EBF1: variants seen among roughly 807,000 people sequenced by gnomAD.
The protein encoded by EBF1 is transcription factor COE1.
Under a neutral mutation model 68.4 loss-of-function variants are expected in EBF1, and 10 were observed. That is an observed-to-expected ratio of 0.15 (90% CI 0.09 to 0.25). The LOEUF is 0.25. EBF1 is among the 10% of genes least tolerant of loss of function. The pLI is 1.00. For synonymous variants in EBF1, 298 were observed against 299.8 expected (o/e 0.99, Z 0.06); for missense variants, 509 against 794.4 (o/e 0.64, Z 4.32).
intron 8 of EBF1, among the ~76,000 whole-genome samples, chr5:158,808,259 T>A (rs1781965938): frequency 6.6e-6 from 1 of 152,102 alleles, no homozygotes; most frequent in South Asian, 2.1e-4. Context: ...CTCTTTGGGG[T>A]CTGGGCTGTT....
intron 6 of EBF1, among the ~76,000 whole-genome samples, chr5:158,888,694 AGGTTTAATTTGTGTCTC>A (rs1800535961): frequency 6.6e-6 from 1 of 152,128 alleles, no homozygotes; most frequent in Non-Finnish European, 1.5e-5. Context: ...ATAACCAAAA[AGGTTTAATTTGTGTCTC>A]GATATGAATT....
chr5:158,888,884 A>G lies in EBF1; in HGVS notation c.555-48774T>C, dbSNP rs534080843. Among the ~76,000 whole-genome samples the G allele has an allele frequency of 2.6e-5, 4 of 151,996 alleles. No individual in the cohort carries two copies. In the East Asian group the frequency reaches 7.7e-4, roughly 29 times the overall value. On this transcript the variant is annotated intron_variant, in intron 6 of 15. Coordinates refer to ENST00000313708, the MANE Select transcript of EBF1 (RefSeq NM_024007.5). ...CTTCCCACCAGATTTTCCTCCTGCT[A>G]TCTTCCCTGTCATAGATGTGTCCTC... is the stretch of plus-strand genomic sequence containing the variant.
rs542756366 is a variant in EBF1 at position 158,815,479 on chromosome 5, G to A, written c.778+7697C>T. Among the ~76,000 whole-genome samples the A allele has an allele frequency of 2.4e-4, 37 of 152,196 alleles. No homozygotes were observed. The East Asian group carries it at 7.1e-3, about 29-fold the overall frequency. On this transcript the variant is annotated intron_variant, in intron 8 of 15. Coordinates refer to ENST00000313708, the MANE Select transcript of EBF1 (RefSeq NM_024007.5). ...TGATAAGTAAAATAGTTAGCATGGT[G>A]CTGGCATATATAGTAAATGATCCAT...
rs370029093 is a variant in EBF1, at chr5:158,908,758, C to A, written c.555-68648G>T. ...TCCAACTGGAGCCAGGAAGAGGTGG[C>A]GTGATTATTCTCTGGAAACCTCGGT... On this transcript the variant is annotated intron_variant, in intron 6 of 15. Coordinates refer to ENST00000313708, the MANE Select transcript of EBF1 (RefSeq NM_024007.5). Among the ~76,000 whole-genome samples the A allele has an allele frequency of 5.3e-5, 8 of 152,154 alleles. No individual in the cohort carries two copies. The East Asian group carries it at 1.3e-3, about 26-fold the overall frequency.
chr5:158,987,936 T>A (rs1469531387), intron 6 of EBF1, among the ~76,000 whole-genome samples: 1 of 152,176 alleles, frequency 6.6e-6, no homozygotes, highest in Non-Finnish European at 1.5e-5. Flanking sequence ...TTACTAGCAT[T>A]GGGAATGGCA....
rs950990601 is a variant in EBF1 at position 158,696,359 on chromosome 5, A to T, written c.*2752T>A. On this transcript the variant is annotated 3_prime_UTR_variant, in exon 16 of 16. Transcript: ENST00000313708. ...AATCAATAGAAATAGAAGCAACAAA[A>T]CACAAATTATACACATTTTAAAGGC... 1.8e-5 allele frequency: 4 copies of T among 222,218 alleles called. No individual in the cohort carries two copies. The highest frequency in any genetic ancestry group is 5.7e-5 in the Admixed American group (1 of 17,410). 13.8% of individuals were successfully genotyped at this position (222,218 alleles called of 1,614,324 possible).
chr5:159,077,396 G>A (rs1416080444), intron 5 of EBF1, among the ~76,000 whole-genome samples: 1 of 152,164 alleles, frequency 6.6e-6, no homozygotes, highest in Non-Finnish European at 1.5e-5. Flanking sequence ...CTGATATCGT[G>A]CCATTCCAGC....
At chr5:158,838,881 C>G (rs1393187006) in intron 7 of EBF1, among the ~76,000 whole-genome samples, 2 of 87,358 alleles carry the variant, frequency 2.3e-5, no homozygotes, top group Non-Finnish European at 5.0e-5. Context: ...ATTGACCATA[C>G]AAATAACTTA....
At chr5:159,001,906 T>C (rs949090512) in intron 6 of EBF1, among the ~76,000 whole-genome samples, 8 of 152,206 alleles carry the variant, frequency 5.3e-5, no homozygotes, top group African/African-American at 1.7e-4. Flanking sequence ...CAAAGTATTT[T>C]TCATTATCAC....
intron 7 of EBF1, among the ~76,000 whole-genome samples, chr5:158,831,418 A>G (rs1337656283): frequency 6.6e-6 from 1 of 152,162 alleles, no homozygotes; most frequent in Non-Finnish European, 1.5e-5. Context: ...GCCAAACATT[A>G]TTCTATGCAC....
At chr5:158,993,211 T>A (rs1382499694) in intron 6 of EBF1, among the ~76,000 whole-genome samples, 1 of 152,006 alleles carries the variant, frequency 6.6e-6, no homozygotes, top group Non-Finnish European at 1.5e-5. Context: ...TACACCCAGC[T>A]AATTTTTTTG....
intron 6 of EBF1, among the ~76,000 whole-genome samples, chr5:158,989,541 G>C (rs1481988813): frequency 1.3e-5 from 2 of 152,186 alleles, no homozygotes; most frequent in East Asian, 3.9e-4. Context: ...CTGTGATCAA[G>C]GCAGACAGAA....
chr5:158,707,366 G>A (rs756612346), intron 15 of EBF1, among the ~76,000 whole-genome samples: 7 of 152,208 alleles, frequency 4.6e-5, no homozygotes, highest in South Asian at 2.1e-4. Flanking sequence ...GTGGGAAAGC[G>A]ATTGAACAAT....
chr5:158,777,681 G>T, intron 9 of EBF1, 142 bp from the exon 10 acceptor site: 1 of 790,068 alleles, frequency 1.3e-6, no homozygotes, highest in Non-Finnish European at 1.9e-6. Context: ...GAACCTGCGT[G>T]AAAGACACTG....
At chr5:158,718,807 T>A (rs1247008232) in intron 11 of EBF1, among the ~76,000 whole-genome samples, 1 of 152,010 alleles carries the variant, frequency 6.6e-6, no homozygotes, top group Non-Finnish European at 1.5e-5. Context: ...TGAAAAAGAG[T>A]GCTGACCATC....
intron 4 of EBF1, among the ~76,000 whole-genome samples, chr5:159,090,258 A>C (rs1451193106): frequency 2.2e-5 from 1 of 46,432 alleles, no homozygotes; most frequent in Non-Finnish European, 4.3e-5. Flanking sequence ...AAAAAGAAAG[A>C]AAAAAAAAAA....
intron 5 of EBF1, among the ~76,000 whole-genome samples, chr5:159,073,995 G>C (rs1262626695): frequency 6.6e-6 from 1 of 152,116 alleles, no homozygotes; most frequent in African/African-American, 2.4e-5. Context: ...CTACAGCTAG[G>C]TTTGCTTTTG....
At chr5:158,899,314 A>G (rs184554174) in intron 6 of EBF1, among the ~76,000 whole-genome samples, 88 of 152,370 alleles carry the variant, frequency 5.8e-4, no homozygotes, top group African/African-American at 2.1e-3. Flanking sequence ...CATATGTGAT[A>G]GTGTAAGAGA....
intron 6 of EBF1, among the ~76,000 whole-genome samples, chr5:159,040,437 T>C (rs1022165806): frequency 1.3e-5 from 2 of 152,214 alleles, no homozygotes; most frequent in Non-Finnish European, 2.9e-5. Context: ...CTTCTGAAGC[T>C]GAGTTGGCAG....
Sources: gnomAD v4.1 joint callset for allele counts (sites outside exome capture counted in the v4.1 genomes callset) on GRCh38, gnomAD v4.1.1 for gene constraint, MANE v1.5 for transcripts, NCBI Gene and HGNC (gene_info 2026-07-23, HGNC 2026-07-21) for gene names.